The following CEP192 variants were observed in gnomAD, a reference collection of about 807,000 sequenced individuals.
CEP192 encodes the protein centrosomal protein of 192 kDa.
A neutral mutation model predicts 271.8 loss-of-function variants in CEP192; 151 were observed. The ratio of observed to expected loss-of-function variants is 0.56; its 90% confidence interval spans 0.49 to 0.64. The LOEUF (loss-of-function observed/expected upper bound fraction) is 0.64. Among genes scored for constraint, CEP192 ranks in the 30% least tolerant of loss-of-function variants. The pLI is 0.00. For synonymous variants in CEP192, 995 were observed against 1,076.5 expected (o/e 0.92, Z 1.48); for missense variants, 2,910 against 3,020.5 (o/e 0.96, Z 0.86).
At chr18:12,996,935 A>G (rs745620315) in intron 1 of CEP192, among the ~76,000 whole-genome samples, 1 of 152,124 alleles carries the variant, frequency 6.6e-6, no homozygotes, top group Non-Finnish European at 1.5e-5. Flanking sequence ...GATGCCAGTC[A>G]TGATTCCTCT....
intron 40 of CEP192, among the ~76,000 whole-genome samples, chr18:13,113,147 C>T (rs990626820): frequency 9.9e-5 from 15 of 152,272 alleles, no homozygotes; most frequent in African/African-American, 2.9e-4. Context: ...CTGTAGCCGC[C>T]GCCCCCCTCA....
intron 30 of CEP192, among the ~76,000 whole-genome samples, chr18:13,076,088 C>T (rs2144527786): frequency 6.6e-6 from 1 of 152,360 alleles, no homozygotes; most frequent in Admixed American, 6.5e-5. Context: ...GGCTGCTGAA[C>T]ATCCGAGAAA....
chr18:13,081,776 A>C (rs1329525566), intron 30 of CEP192, among the ~76,000 whole-genome samples: 6 of 152,178 alleles, frequency 3.9e-5, no homozygotes, highest in Non-Finnish European at 7.3e-5. Context: ...ACTGATTTAA[A>C]TGTGTCCCAG....
chr18:13,084,409 T>C (rs947487887), intron 30 of CEP192, among the ~76,000 whole-genome samples: 7 of 152,326 alleles, frequency 4.6e-5, no homozygotes, highest in Admixed American at 3.9e-4. Flanking sequence ...CAAGGCTCTG[T>C]GGGCGTGGGA....
At chr18:13,037,062 G>A (rs1940917092) in intron 11 of CEP192, among the ~76,000 whole-genome samples, 175 bp from the exon 12 acceptor site, 1 of 152,226 alleles carries the variant, frequency 6.6e-6, no homozygotes, top group Non-Finnish European at 1.5e-5. Context: ...TTTAGCAAAA[G>A]TTTGACAACC....
Position 13,067,956 on chromosome 18 carries a change from T to C in CEP192, c.4614T>C (p.Ala1538=). The C allele has an allele frequency of 6.2e-7, 1 of 1,607,350 alleles. No individual in the cohort carries two copies. The highest frequency in any genetic ancestry group is 8.5e-7 in the Non-Finnish European group (1 of 1,174,354). The change falls in exon 22 of 45, where the codon GCT becomes GCC. Residue 1538 remains alanine, a splice_region_variant and synonymous_variant. Transcript: ENST00000506447. ...ATVPIRLIIN[A]NAVAWRCFTF... ...TGCCAATTAGACTGATTATTAATGC[T>C]GTAAGTATGAACATACAGTAAGAAA...
chr18:13,059,658 G>C (rs111923091), intron 21 of CEP192, among the ~76,000 whole-genome samples: 11 of 152,240 alleles, frequency 7.2e-5, no homozygotes, highest in African/African-American at 2.6e-4. Flanking sequence ...AGCTAGAAAA[G>C]TTTCCCTTCT....
intron 3 of CEP192, among the ~76,000 whole-genome samples, 156 bp downstream of exon 3, chr18:13,001,738 C>G (rs2033657698): frequency 6.6e-6 from 1 of 152,222 alleles, no homozygotes; most frequent in African/African-American, 2.4e-5. Context: ...TTCACTCACT[C>G]CATTGCCCAG....
chr18:13,033,237 A>G (rs1228015825), intron 11 of CEP192, among the ~76,000 whole-genome samples: 1 of 152,252 alleles, frequency 6.6e-6, no homozygotes, highest in Non-Finnish European at 1.5e-5. Context: ...AAACAGTTCC[A>G]ATAAACAATA....
At position 13,048,894 on chromosome 18, in the gene CEP192, C is replaced by T. The variant is rs772456353; in HGVS notation, c.2103C>T (p.Tyr701=). The part of the protein sequence containing the change: ...TFFMSNKPQR[Y]KDKLPDSGDS... Reference sequence around the variant, plus strand: ...TCATGAGCAACAAACCCCAAAGATACAAAGACAAGCTACCAGATAGTGGTG... The same window carrying T: ...TCATGAGCAACAAACCCCAAAGATATAAAGACAAGCTACCAGATAGTGGTG... Residue 701 remains tyrosine, a synonymous_variant, in exon 16 of 45, where the codon TAC becomes TAT. Transcript: ENST00000506447. 1.1e-5 allele frequency: 18 copies of T among 1,608,120 alleles called. No individual in the cohort carries two copies. The highest frequency in any genetic ancestry group is 5.5e-5 in the South Asian group (5 of 90,216).
At chr18:13,031,804 A>C (rs547195609) in intron 11 of CEP192, among the ~76,000 whole-genome samples, 149 of 152,334 alleles carry the variant, frequency 9.8e-4, no homozygotes, top group African/African-American at 3.4e-3. Flanking sequence ...GTAGGTAGCA[A>C]AAGAATTTCA....
intron 15 of CEP192, among the ~76,000 whole-genome samples, chr18:13,043,983 A>G (rs2036345157): frequency 6.6e-6 from 1 of 152,140 alleles, no homozygotes; most frequent in Non-Finnish European, 1.5e-5. Flanking sequence ...CCCCTCAAGC[A>G]TTTATCCTCT....
At chr18:13,073,932 T>G (rs142256822) in intron 30 of CEP192, among the ~76,000 whole-genome samples, 1 of 152,144 alleles carries the variant, frequency 6.6e-6, no homozygotes, top group African/African-American at 2.4e-5. Context: ...AAGACAAGAG[T>G]TTTTATGCTT....
rs770281767 is a variant in CEP192 at position 13,059,269 on chromosome 18, G to A, written c.4445G>A (p.Ser1482Asn). ...ATCGTACAGGCAGAAGCTTTGGCCA[G>A]CACCGTCACTCTCACTGCCATTGCC... ...ETIVQAEALA[S>N]TVTLTAIAES... The change falls in exon 21 of 45, where the codon AGC becomes AAC. Residue 1482 changes from serine to asparagine, a missense_variant. Physicochemically the swap from Ser to Asn is conservative, Grantham distance 46. Coordinates refer to ENST00000506447, the MANE Select transcript of CEP192 (RefSeq NM_032142.4). The A allele has an allele frequency of 6.2e-7, 1 of 1,614,180 alleles. No homozygotes were observed. The highest frequency in any genetic ancestry group is 1.7e-5 in the Admixed American group (1 of 60,018).
intron 22 of CEP192, 35 bp downstream of exon 22, chr18:13,067,991 G>A (rs1212904982): frequency 4.3e-5 from 69 of 1,602,206 alleles, no homozygotes; most frequent in Non-Finnish European, 5.9e-5. Context: ...ACCATTTACA[G>A]AATGCACTGA....
chr18:13,069,521 G>T (rs954365228), intron 26 of CEP192, among the ~76,000 whole-genome samples: 2 of 152,144 alleles, frequency 1.3e-5, no homozygotes, highest in African/African-American at 4.8e-5. Context: ...GGGGGTTAGT[G>T]ATCCAAAATT....
At chr18:13,054,671 TA>T (rs1437374837) in intron 18 of CEP192, among the ~76,000 whole-genome samples, 1 of 152,258 alleles carries the variant, frequency 6.6e-6, no homozygotes, top group Non-Finnish European at 1.5e-5. Context: ...TGTCACCTAG[TA>T]AGTCACCACT....
chr18:13,048,900 C>A lies in CEP192; in HGVS notation c.2109C>A (p.Asp703Glu). The change falls in exon 16 of 45, where the codon GAC becomes GAA. Residue 703 changes from aspartate to glutamate, a missense_variant. Transcript: ENST00000506447. ...GCAACAAACCCCAAAGATACAAAGA[C>A]AAGCTACCAGATAGTGGTGATTCTA... The part of the protein sequence containing the change: ...FMSNKPQRYK[D>E]KLPDSGDSML... 1 of 1,609,758 alleles carries A rather than the reference C, an allele frequency of 6.2e-7. No individual in the cohort carries two copies. Among genetic ancestry groups the A allele is most frequent in the South Asian group, 1.1e-5 (1 of 90,434 alleles).
intron 1 of CEP192, among the ~76,000 whole-genome samples, chr18:12,994,434 G>A (rs1190263641): frequency 6.6e-6 from 1 of 151,998 alleles, no homozygotes; most frequent in East Asian, 1.9e-4. Flanking sequence ...GCCTGAGAGG[G>A]TGGGAGAGAG....
Sources: gnomAD v4.1 joint callset for allele counts (sites outside exome capture counted in the v4.1 genomes callset) on GRCh38, gnomAD v4.1.1 for gene constraint, MANE v1.5 for transcripts, NCBI Gene and HGNC (gene_info 2026-07-23, HGNC 2026-07-21) for gene names.